The following FER variants were observed in gnomAD, a reference collection of about 807,000 sequenced individuals.
FER encodes the protein tyrosine-protein kinase Fer.
In FER, 63 loss-of-function variants were observed where a neutral mutation model predicts 111.0. The observed-to-expected ratio is 0.57, with a 90% CI of 0.46 to 0.70. The LOEUF (loss-of-function observed/expected upper bound fraction) is 0.70. FER is among the 30% of genes least tolerant of loss of function. The pLI, the probability that FER is intolerant of heterozygous loss-of-function variation, is 0.00. For missense variants in FER, 914 were observed against 954.0 expected (o/e 0.96, Z 0.55); for synonymous variants, 327 against 313.9 (o/e 1.04, Z -0.44).
intron 16 of FER, among the ~76,000 whole-genome samples, chr5:109,100,162 T>G (rs960268675): frequency 5.3e-5 from 8 of 151,894 alleles, no homozygotes; most frequent in African/African-American, 1.2e-4. Context: ...ATGTACAATA[T>G]GAAACACTTA....
intron 3 of FER, among the ~76,000 whole-genome samples, chr5:108,823,551 A>G (rs1759125629): frequency 6.6e-6 from 1 of 152,144 alleles, no homozygotes; most frequent in Admixed American, 6.5e-5. Flanking sequence ...ACCTTTTCAT[A>G]TATCCTTTGG....
chr5:108,949,206 C>A (rs547927207), intron 11 of FER, among the ~76,000 whole-genome samples: 1 of 152,150 alleles, frequency 6.6e-6, no homozygotes, highest in East Asian at 1.9e-4. Flanking sequence ...GGGAATGTAG[C>A]TATTTTCATG....
chr5:108,930,286 A>C (rs1287744132), intron 10 of FER, among the ~76,000 whole-genome samples: 1 of 130,362 alleles, frequency 7.7e-6, no homozygotes, highest in East Asian at 2.4e-4. Flanking sequence ...TAAAAGGATT[A>C]CAGGCATAAG....
intron 3 of FER, among the ~76,000 whole-genome samples, chr5:108,826,600 A>G (rs938715189): frequency 6.6e-6 from 1 of 152,108 alleles, no homozygotes; most frequent in Non-Finnish European, 1.5e-5. Context: ...TGTCAGGGTA[A>G]TACTGGCTTC....
intron 13 of FER, among the ~76,000 whole-genome samples, chr5:108,977,708 A>G (rs1429761146): frequency 6.6e-6 from 1 of 152,162 alleles, no homozygotes; most frequent in Non-Finnish European, 1.5e-5. Context: ...CTTCACATTT[A>G]ATAAGTCATG....
chr5:108,765,277 CA>C (rs1464785812), intron 1 of FER, among the ~76,000 whole-genome samples: 16 of 151,770 alleles, frequency 1.1e-4, no homozygotes, highest in East Asian at 7.7e-4. Context: ...GAGATGCCAC[CA>C]AAAAAAGTTG....
intron 3 of FER, among the ~76,000 whole-genome samples, chr5:108,811,270 A>G (rs1368071007): frequency 6.6e-6 from 1 of 152,184 alleles, no homozygotes; most frequent in Non-Finnish European, 1.5e-5. Flanking sequence ...AGATGCCTAG[A>G]GATCTGCCTG....
At chr5:109,125,045 CAAAAAAA>C (rs373849561) in intron 17 of FER, among the ~76,000 whole-genome samples, 1 of 75,620 alleles carries the variant, frequency 1.3e-5, no homozygotes. Context: ...GACTCTGTCT[CAAAAAAA>C]AAAAAAAAAA....
At chr5:109,113,627 C>G (rs778422114) in intron 17 of FER, among the ~76,000 whole-genome samples, 5 of 152,074 alleles carry the variant, frequency 3.3e-5, no homozygotes, top group African/African-American at 9.7e-5. Context: ...CAGCGCAAGC[C>G]GGGAACCTCT....
intron 5 of FER, among the ~76,000 whole-genome samples, chr5:108,856,537 C>G (rs1763024887): frequency 6.6e-6 from 1 of 152,100 alleles, no homozygotes; most frequent in Non-Finnish European, 1.5e-5. Flanking sequence ...TAATGATGAT[C>G]TCTACATTTT....
rs115261707 is a variant in FER, at chr5:108,986,703, G to A, written c.1656+27356G>A. The stretch of plus-strand genomic sequence containing the variant: ...TCCAGCAACATTTGTTGAATAGGGT[G>A]TACTTTACCCACTTTATGTTTTTGT... On this transcript the variant is annotated intron_variant, in intron 13 of 19. Transcript: ENST00000281092. 1.0e-2 allele frequency among the ~76,000 whole-genome samples: 1,520 copies of A among 152,248 alleles called. 22 individuals carry two copies. Among genetic ancestry groups the A allele is most frequent in the African/African-American group, 0.035 (1,450 of 41,530 alleles).
chr5:108,986,926 G>T (rs963578898), intron 13 of FER, among the ~76,000 whole-genome samples: 1 of 151,708 alleles, frequency 6.6e-6, no homozygotes, highest in South Asian at 2.1e-4. Flanking sequence ...TGTCAATGAC[G>T]GTTCTTTTTT....
chr5:109,090,980 C>G (rs1778104668), intron 16 of FER, among the ~76,000 whole-genome samples: 1 of 152,076 alleles, frequency 6.6e-6, no homozygotes, highest in Non-Finnish European at 1.5e-5. Flanking sequence ...AAGACAGATA[C>G]AGATTAAAGA....
chr5:108,772,193 A>G (rs1220495548), intron 2 of FER, among the ~76,000 whole-genome samples: 1 of 151,810 alleles, frequency 6.6e-6, no homozygotes, highest in African/African-American at 2.4e-5. Flanking sequence ...GAGGGCCCCT[A>G]CTCTTAATAC....
intron 16 of FER, among the ~76,000 whole-genome samples, chr5:109,062,971 C>CT (rs1307246753): frequency 2.0e-5 from 3 of 152,142 alleles, no homozygotes; most frequent in Non-Finnish European, 2.9e-5. Flanking sequence ...TTTCACCAGG[C>CT]TTAAGACATT....
At chr5:108,777,959 A>G (rs959805226) in intron 2 of FER, among the ~76,000 whole-genome samples, 2 of 152,200 alleles carry the variant, frequency 1.3e-5, no homozygotes, top group African/African-American at 4.8e-5. Flanking sequence ...GGGAGCTACA[A>G]GATGAGATTT....
intron 11 of FER, among the ~76,000 whole-genome samples, chr5:108,951,990 T>C (rs995378761): frequency 6.6e-6 from 1 of 152,178 alleles, no homozygotes; most frequent in African/African-American, 2.4e-5. Flanking sequence ...TAAAATAATC[T>C]CTTTAATTTC....
At chr5:109,082,694 T>G (rs1377593936) in intron 16 of FER, among the ~76,000 whole-genome samples, 1 of 152,038 alleles carries the variant, frequency 6.6e-6, no homozygotes, top group Non-Finnish European at 1.5e-5. Flanking sequence ...AAGTACTACT[T>G]GTAATCAGAT....
At chr5:109,109,914 A>G (rs1180214489) in intron 17 of FER, among the ~76,000 whole-genome samples, 2 of 152,046 alleles carry the variant, frequency 1.3e-5, no homozygotes, top group African/African-American at 2.4e-5. Context: ...TTATACATCT[A>G]TGTAGGTTTG....
Sources: allele counts gnomAD v4.1 joint callset (sites outside exome capture counted in the v4.1 genomes callset), GRCh38; gene constraint gnomAD v4.1.1; transcripts MANE v1.5; gene names NCBI Gene and HGNC (gene_info 2026-07-23, HGNC 2026-07-21).